PCDH15: variants seen among roughly 807,000 people sequenced by gnomAD.
PCDH15 encodes protocadherin-15.
A neutral mutation model predicts 178.5 loss-of-function variants in PCDH15; 129 were observed. The observed-to-expected ratio is 0.72, with a 90% CI of 0.63 to 0.84. The LOEUF (loss-of-function observed/expected upper bound fraction) is 0.84, where lower values mean the gene tolerates loss of function less well. PCDH15 is among the 40% of genes least tolerant of loss of function. PCDH15 has a pLI of 0.00. For missense variants in PCDH15, 2,230 were observed against 2,099.9 expected, an observed-to-expected ratio of 1.06 and a Z score of -1.21; for synonymous variants, 800 against 732.0, an observed-to-expected ratio of 1.09 and a Z score of -1.50.
chr10:53,870,595 T>C (rs1366781948), intron 26 of PCDH15, among the ~76,000 whole-genome samples: 2 of 152,208 alleles, frequency 1.3e-5, no homozygotes, highest in Middle Eastern at 3.2e-3. Context: ...AGTTGAATAC[T>C]AGTAATTTAA....
intron 2 of PCDH15, among the ~76,000 whole-genome samples, chr10:55,433,268 G>A (rs1287851839): frequency 6.6e-6 from 1 of 152,074 alleles, no homozygotes; most frequent in African/African-American, 2.4e-5. Context: ...CTACACAATC[G>A]TAATAAAGAA....
chr10:54,526,012 G>C (rs1417077417), intron 3 of PCDH15, among the ~76,000 whole-genome samples: 1 of 152,116 alleles, frequency 6.6e-6, no homozygotes, highest in Admixed American at 6.5e-5. Context: ...CTGAGTAGTT[G>C]GCAGTTTCTA....
chr10:54,238,473 T>C (rs566727421), intron 8 of PCDH15, among the ~76,000 whole-genome samples: 1 of 152,200 alleles, frequency 6.6e-6, no homozygotes, highest in Non-Finnish European at 1.5e-5. Flanking sequence ...GTAGTCTAAA[T>C]GTTATCAGTA....
At chr10:54,125,381 G>A (rs537041701) in intron 15 of PCDH15, among the ~76,000 whole-genome samples, 63 of 152,270 alleles carry the variant, frequency 4.1e-4, no homozygotes, top group African/African-American at 1.0e-3. Flanking sequence ...TGTATGTTCT[G>A]GGTGTCAGTG....
chr10:54,963,959 G>C (rs567435292), intron 2 of PCDH15, among the ~76,000 whole-genome samples: 1 of 152,220 alleles, frequency 6.6e-6, no homozygotes, highest in African/African-American at 2.4e-5. Flanking sequence ...CTCCTGAAGA[G>C]GCTAAAACTA....
At chr10:53,879,339 GC>G (rs2080520001) in intron 26 of PCDH15, among the ~76,000 whole-genome samples, 1 of 152,064 alleles carries the variant, frequency 6.6e-6, no homozygotes, top group Non-Finnish European at 1.5e-5. Context: ...TGATAGCAAA[GC>G]AAAAGCACTT....
intron 15 of PCDH15, among the ~76,000 whole-genome samples, chr10:54,112,478 G>C (rs555694664): frequency 6.6e-6 from 1 of 152,174 alleles, no homozygotes; most frequent in Admixed American, 6.6e-5. Context: ...ATCTGTCATA[G>C]AGTCCAATTA....
At chr10:55,593,915 G>T (rs1265041702) in intron 2 of PCDH15, among the ~76,000 whole-genome samples, 1 of 151,848 alleles carries the variant, frequency 6.6e-6, no homozygotes, top group African/African-American at 2.4e-5. Flanking sequence ...ATACAGCTCA[G>T]TTTATGGCAA....
rs538048783 is a variant in PCDH15 at position 55,434,533 on chromosome 10, C to T, written c.-156+193092G>A. Among the ~76,000 whole-genome samples the T allele has an allele frequency of 2.0e-5, 3 of 152,156 alleles. No homozygotes were observed. In the East Asian group the frequency reaches 5.8e-4, roughly 29 times the overall value. On this transcript the variant is annotated intron_variant, in intron 2 of 5. Transcript: ENST00000613346. ...TATTGATGTCAGATTTACTTATCCA[C>T]AGACACAAAATATCTAGCTCTTCAT... is the stretch of plus-strand genomic sequence containing the variant.
chr10:55,495,485 A>G (rs1840511588), intron 2 of PCDH15, among the ~76,000 whole-genome samples: 1 of 151,712 alleles, frequency 6.6e-6, no homozygotes, highest in Admixed American at 6.6e-5. Flanking sequence ...GACCATATAC[A>G]ATGGCCAAAA....
intron 2 of PCDH15, among the ~76,000 whole-genome samples, chr10:55,046,870 A>T (rs1008391124): frequency 1.3e-5 from 2 of 152,022 alleles, no homozygotes; most frequent in Non-Finnish European, 2.9e-5. Flanking sequence ...CTCTTATATG[A>T]CTAGAGTAAT....
intron 17 of PCDH15, among the ~76,000 whole-genome samples, chr10:54,068,055 T>C (rs1210383353): frequency 6.6e-6 from 1 of 152,170 alleles, no homozygotes; most frequent in Non-Finnish European, 1.5e-5. Flanking sequence ...AGAAGTTCTA[T>C]ACCATGCAAG....
chr10:54,691,286 T>C (rs1426732243), intron 1 of PCDH15, among the ~76,000 whole-genome samples: 1 of 152,084 alleles, frequency 6.6e-6, no homozygotes, highest in African/African-American at 2.4e-5. Flanking sequence ...GTAATCTACA[T>C]AGTTCCTTGC....
intron 2 of PCDH15, among the ~76,000 whole-genome samples, chr10:55,580,782 C>T (rs1337571987): frequency 1.3e-5 from 2 of 152,112 alleles, no homozygotes; most frequent in Non-Finnish European, 2.9e-5. Context: ...TGCCTCTAGC[C>T]GATGTTCTTC....
intron 14 of PCDH15, among the ~76,000 whole-genome samples, chr10:54,148,514 G>A (rs1564534516): frequency 6.6e-6 from 1 of 152,028 alleles, no homozygotes; most frequent in East Asian, 1.9e-4. Flanking sequence ...CAGTACAGAT[G>A]TAATGTTCTC....
upstream of PCDH15, among the ~76,000 whole-genome samples, chr10:55,320,368 T>C (rs1376078633): frequency 7.9e-6 from 1 of 127,176 alleles, no homozygotes; most frequent in Non-Finnish European, 1.6e-5. Flanking sequence ...GTCCACACCA[T>C]GCCCCCACCA....
rs534683857 is a variant in PCDH15, at chr10:55,224,072, C to A, written c.-155-57421G>T. Among the ~76,000 whole-genome samples, 5 of 152,036 alleles carry A rather than the reference C, an allele frequency of 3.3e-5. No homozygotes were observed. In the South Asian group the frequency reaches 1.0e-3, roughly 32 times the overall value. On this transcript the variant is annotated intron_variant, in intron 1 of 5. Coordinates refer to the PCDH15 transcript ENST00000458638. ...TTTGAGACCAGCCTGGACAACATGG[C>A]GAAGCCCTATTTCAGCCCCTTGGGA... is the stretch of plus-strand genomic sequence containing the variant.
At chr10:54,575,772 T>A (rs934733142) in intron 2 of PCDH15, among the ~76,000 whole-genome samples, 1 of 152,208 alleles carries the variant, frequency 6.6e-6, no homozygotes, top group Non-Finnish European at 1.5e-5. Context: ...AAACTAGAGT[T>A]GTAAATTAGT....
At chr10:54,116,474 T>C (rs1424411402) in intron 15 of PCDH15, among the ~76,000 whole-genome samples, 1 of 152,200 alleles carries the variant, frequency 6.6e-6, no homozygotes, top group Non-Finnish European at 1.5e-5. Context: ...TTGCAAGATA[T>C]AATGGCAGTA....
Sources: gnomAD v4.1 joint callset for allele counts (sites outside exome capture counted in the v4.1 genomes callset) on GRCh38, gnomAD v4.1.1 for gene constraint, MANE v1.5 for transcripts, NCBI Gene and HGNC (gene_info 2026-07-23, HGNC 2026-07-21) for gene names.